Variants in CFD observed in about 807,000 individuals in gnomAD.
CFD encodes C3 convertase activator.
Under a neutral mutation model 21.1 loss-of-function variants are expected in CFD, and 24 were observed. The ratio of observed to expected loss-of-function variants is 1.14; its 90% CI spans 0.82 to 1.60. CFD has a LOEUF of 1.60. CFD is among the 40% of genes most tolerant of loss of function. CFD has a pLI of 0.00. For missense variants in CFD, 535 were observed against 383.3 expected (o/e 1.40, Z -3.31); for synonymous variants, 242 against 175.9 (o/e 1.38, Z -2.97).
intron 3 of CFD, 123 bp downstream of exon 3, chr19:861,128 C>T (rs2035785923): frequency 1.4e-6 from 1 of 716,428 alleles, no homozygotes; most frequent in Non-Finnish European, 2.4e-6. Flanking sequence ...GGGACCCCGC[C>T]CCACAACCCC....
At position 860,864 on chromosome 19, in the gene CFD, C is replaced by T. The variant is rs1252074591; in HGVS notation, c.216C>T (p.Ala72=). 6 of 1,571,720 alleles carry T rather than the reference C, an allele frequency of 3.8e-6. No homozygotes were observed. The highest frequency in any genetic ancestry group is 4.3e-6 in the Non-Finnish European group (5 of 1,165,038). Residue 72 remains alanine (A), a synonymous_variant, in exon 3 of 5, where the codon GCC becomes GCT. Coordinates refer to ENST00000327726, the MANE Select transcript of CFD (RefSeq NM_001928.4). ...GCGGACTCCGTCCGGTCCCCAGGGCCGACGGGAAGGTGCAGGTTCTCCTGG... is the reference window on the plus strand; with the variant it reads ...GCGGACTCCGTCCGGTCCCCAGGGCTGACGGGAAGGTGCAGGTTCTCCTGG... The part of the protein sequence containing the change: ...LSAAHCLEDA[A]DGKVQVLLGA...
chr19:861,898 A>G lies in CFD; in HGVS notation c.557A>G (p.Asp186Gly). 6.3e-7 allele frequency: 1 copy of G among 1,581,908 alleles called. No individual in the cohort carries two copies. The highest frequency in any genetic ancestry group is 8.5e-7 in the Non-Finnish European group (1 of 1,171,132). ...ACCTGCAACCGGCGCACGCACCACGACGGCGCCATCACCGAGCGCTTGATG... is the reference window on the plus strand; with the variant it reads ...ACCTGCAACCGGCGCACGCACCACGGCGGCGCCATCACCGAGCGCTTGATG... ...RATCNRRTHH[D>G]GAITERLMCA... Residue 186 changes from aspartate (D) to glycine (G), a missense_variant, in exon 4 of 5, where the codon GAC becomes GGC. By Grantham distance (94) the Asp-to-Gly change is moderately conservative (BLOSUM62 -1). Transcript: ENST00000327726.
chr19:861,980 G>T (rs994606309), intron 4 of CFD, 24 bp downstream of exon 4: 1 of 1,533,784 alleles, frequency 6.5e-7, no homozygotes, highest in South Asian at 1.2e-5. Flanking sequence ...CCTGGGAGGA[G>T]ACGCGGGGCC....
chr19:862,688 C>T (rs2035820248), intron 4 of CFD, among the ~76,000 whole-genome samples: 1 of 151,490 alleles, frequency 6.6e-6, no homozygotes, highest in Admixed American at 6.6e-5. Context: ...AAGGGAGGGG[C>T]GTGGCCTGAG....
rs1264978628 is a variant in CFD at position 863,305 on chromosome 19, C to A, written c.*67C>A. On this transcript the variant is annotated 3_prime_UTR_variant, in exon 5 of 5. Transcript: ENST00000327726. ...TCCCGAGCAATGAAGTCATCCACTC[C>A]TGCATCTGGTTGGTCTTTATTGAGC... 1 of 1,525,052 alleles carries A rather than the reference C, an allele frequency of 6.6e-7. No homozygotes were observed. The highest frequency in any genetic ancestry group is 1.4e-5 in the African/African-American group (1 of 73,150). The allele number at this position is 1,525,052 out of a possible 1,614,324, so 94.5% of individuals were successfully genotyped here. A position where few individuals can be genotyped will look rare whatever the true frequency, so the allele number is the denominator to read the frequency against.
At position 859,755 on chromosome 19, in the gene CFD, C is replaced by T; in HGVS notation, c.55+11C>T. Reference sequence around the variant, plus strand: ...GAGCGGCCGCCTGCGGTGAGGAGGCCTGGGCCTGGGGTGAGGGACAGGGCT... The same window carrying T: ...GAGCGGCCGCCTGCGGTGAGGAGGCTTGGGCCTGGGGTGAGGGACAGGGCT... On this transcript the variant is annotated intron_variant, in intron 1 of 4. Coordinates refer to ENST00000327726, the MANE Select transcript of CFD (RefSeq NM_001928.4). The T allele has an allele frequency of 6.4e-7, 1 of 1,562,714 alleles. No individual in the cohort carries two copies. Among genetic ancestry groups the T allele is most frequent in the Non-Finnish European group, 8.7e-7 (1 of 1,152,592 alleles).
rs2035805902 is a variant in CFD, at chr19:862,076, G to GGGGCGGGAACTGGAAGAT, written c.615+127_615+144dup. On this transcript the variant is annotated intron_variant, in intron 4 of 4. Transcript: ENST00000327726. ...CCCAGGGAAGGGGCGGGGCGCGTAG[G>GGGGCGGGAACTGGAAGAT]GGGCGGGAACTGGAAGATGGGCGGA... 3 of 1,394,584 alleles carry GGGGCGGGAACTGGAAGAT rather than the reference G, an allele frequency of 2.2e-6. No homozygotes were observed. The African/African-American group carries it at 4.5e-5, about 21-fold the overall frequency. 86.4% of individuals were successfully genotyped at this position (1,394,584 alleles called of 1,614,324 possible).
At position 860,748 on chromosome 19, in the gene CFD, A is replaced by C; in HGVS notation, c.187A>C (p.Ser63Arg). 6.4e-7 allele frequency: 1 copy of C among 1,567,388 alleles called. No homozygotes were observed. The highest frequency in any genetic ancestry group is 8.6e-7 in the Non-Finnish European group (1 of 1,166,048). Residue 63 changes from serine to arginine, a missense_variant, in exon 2 of 5, where the codon AGC becomes CGC. Coordinates refer to ENST00000327726, the MANE Select transcript of CFD (RefSeq NM_001928.4). ...GVLVAEQWVL[S>R]AAHCLEDAAD... The stretch of plus-strand genomic sequence containing the variant: ...CCTGGTGGCGGAGCAGTGGGTGCTG[A>C]GCGCGGCGCACTGCCTGGAGGACGC...
Position 861,551 on chromosome 19 carries a change from G to A in CFD, c.358-148G>A, listed in dbSNP as rs970032647. ...CCATCCCCACCTGCACCCCCACCCA[G>A]GGTCTAGCCTAAATCTCTCCTGCTG... On this transcript the variant is annotated intron_variant, in intron 3 of 4. Transcript: ENST00000327726. The A allele has an allele frequency of 1.0e-5, 6 of 593,780 alleles. No individual in the cohort carries two copies. The African/African-American group carries it at 1.1e-4, about 11-fold the overall frequency. The allele number at this position is 593,780 out of a possible 1,614,324, so 36.8% of individuals were successfully genotyped here.
intron 3 of CFD, 142 bp from the exon 4 acceptor site, chr19:861,557 A>C: frequency 1.0e-6 from 1 of 962,878 alleles, no homozygotes; most frequent in Non-Finnish European, 1.5e-6. Flanking sequence ...CCCAGGGTCT[A>C]GCCTAAATCT....
At chr19:861,616 C>T (rs1288993033) in intron 3 of CFD, 83 bp from the exon 4 acceptor site, 6 of 1,503,272 alleles carry the variant, frequency 4.0e-6, no homozygotes, top group Middle Eastern at 2.3e-4. Flanking sequence ...CCACCTCCCC[C>T]GTCCCGTCTC....
chr19:863,230 C>A lies in CFD; in HGVS notation c.754C>A (p.Leu252Met). The A allele has an allele frequency of 6.5e-7, 1 of 1,546,682 alleles. No homozygotes were observed. The highest frequency in any genetic ancestry group is 8.7e-7 in the Non-Finnish European group (1 of 1,152,610). The change falls in exon 5 of 5, where the codon CTG becomes ATG. Residue 252 changes from leucine (L) to methionine (M), a missense_variant. By Grantham distance (15) the Leu-to-Met change is conservative. Transcript: ENST00000327726. ...ASYAAWIDSV[L>M]A ...CTATGCGGCCTGGATCGACAGCGTCCTGGCCTAGGGTGCCGGGGCCTGAAG... is the reference window on the plus strand; with the variant it reads ...CTATGCGGCCTGGATCGACAGCGTCATGGCCTAGGGTGCCGGGGCCTGAAG...
chr19:862,649 G>T (rs1599303003), intron 4 of CFD, among the ~76,000 whole-genome samples: 1 of 148,724 alleles, frequency 6.7e-6, no homozygotes, highest in East Asian at 1.9e-4. Context: ...GGCTTGCATG[G>T]TAGCCGGGGC....
intron 1 of CFD, 42 bp downstream of exon 1, chr19:859,786 G>C (rs1180616911): frequency 1.4e-6 from 2 of 1,471,796 alleles, no homozygotes; most frequent in Non-Finnish European, 1.9e-6. Context: ...GGGCTGTGTA[G>C]GGGCGTGGTG....
chr19:860,394 C>T (rs1402942933), intron 1 of CFD, among the ~76,000 whole-genome samples: 1 of 151,560 alleles, frequency 6.6e-6, no homozygotes, highest in African/African-American at 2.4e-5. Flanking sequence ...ACCATATTGG[C>T]CAGGCTGGTC....
rs139992067 is a variant in CFD at position 862,730 on chromosome 19, C to G, written c.616-362C>G. 6.0e-3 allele frequency among the ~76,000 whole-genome samples: 906 copies of G among 151,392 alleles called. 5 individuals carry two copies. The highest frequency in any genetic ancestry group is 0.021 in the African/African-American group (848 of 41,212). ...GGGGACTGAGCAGAGCAGGTGGCCA[C>G]TGAGACGCGTTAGGGCAGAAGTGGG... On this transcript the variant is annotated intron_variant, in intron 4 of 4. Transcript: ENST00000327726.
At position 862,999 on chromosome 19, in the gene CFD, G is replaced by A. The variant is rs1185173610; in HGVS notation, c.616-93G>A. On this transcript the variant is annotated intron_variant, in intron 4 of 4. Transcript: ENST00000327726. ...AACACGGGAGGGATGAGCGAGCATTGTGGGGCGGGAGCGGCAGCCAGGTGA... is the reference window on the plus strand; with the variant it reads ...AACACGGGAGGGATGAGCGAGCATTATGGGGCGGGAGCGGCAGCCAGGTGA... The A allele has an allele frequency of 2.3e-5, 29 of 1,249,466 alleles. No individual in the cohort carries two copies. The South Asian group carries it at 4.2e-4, about 18-fold the overall frequency. The allele number at this position is 1,249,466 out of a possible 1,614,324, so 77.4% of individuals were successfully genotyped here. A position where few individuals can be genotyped will look rare whatever the true frequency, so the allele number is the denominator to read the frequency against.
At chr19:862,480 G>A (rs1303112712) in intron 4 of CFD, among the ~76,000 whole-genome samples, 2 of 142,740 alleles carry the variant, frequency 1.4e-5, no homozygotes, top group African/African-American at 2.6e-5. Context: ...GAGGTATAGG[G>A]GGCGGGCACG....
intron 4 of CFD, 22 bp from the exon 5 acceptor site, chr19:863,070 C>T (rs2035830970): frequency 5.3e-6 from 8 of 1,498,770 alleles, no homozygotes; most frequent in African/African-American, 2.8e-5. Flanking sequence ...CCGCCCCTCA[C>T]GGCCCCGTCC....
Sources: gnomAD v4.1 joint callset for allele counts (sites outside exome capture counted in the v4.1 genomes callset) on GRCh38, gnomAD v4.1.1 for gene constraint, MANE v1.5 for transcripts, NCBI Gene and HGNC (gene_info 2026-07-23, HGNC 2026-07-21) for gene names.